The following PTPRT variants were observed in gnomAD, a reference collection of about 807,000 sequenced individuals.
PTPRT encodes receptor-type tyrosine-protein phosphatase T.
In PTPRT, 56 loss-of-function variants were observed where a neutral mutation model predicts 176.8. The ratio of observed to expected loss-of-function variants is 0.32; its 90% CI spans 0.26 to 0.40. The LOEUF (loss-of-function observed/expected upper bound fraction) is 0.40, where lower values mean the gene tolerates loss of function less well. Among genes scored for constraint, PTPRT ranks in the 10% least tolerant of loss-of-function variants. The pLI is 1.00. For synonymous variants in PTPRT, 783 were observed against 739.0 expected, an observed-to-expected ratio of 1.06 and a Z score of -0.96; for missense variants, 1,540 against 1,908.2, an observed-to-expected ratio of 0.81 and a Z score of 3.60.
intron 18 of PTPRT, among the ~76,000 whole-genome samples, chr20:42,140,262 G>A (rs1988562589): frequency 6.6e-6 from 1 of 151,714 alleles, no homozygotes; most frequent in Admixed American, 6.6e-5. Flanking sequence ...GGGTTACTCT[G>A]TGAGCTGAGA....
Position 42,076,148 on chromosome 20 carries a change from T to C in PTPRT, c.*4731A>G, listed in dbSNP as rs1982746379. The C allele has an allele frequency of 5.0e-6, 1 of 201,398 alleles. No individual in the cohort carries two copies. The allele number at this position is 201,398 out of a possible 1,614,324, so 12.5% of individuals were successfully genotyped here. On this transcript the variant is annotated 3_prime_UTR_variant, in exon 31 of 31. Coordinates refer to ENST00000373187, the MANE Select transcript of PTPRT (RefSeq NM_007050.6). Reference sequence around the variant, plus strand: ...CTCTGTCCACCACAACCCCATGCCTTACCCAGGAATTAATTGTGCCATAGT... The same window carrying C: ...CTCTGTCCACCACAACCCCATGCCTCACCCAGGAATTAATTGTGCCATAGT...
At chr20:42,582,978 A>C (rs1002636638) in intron 7 of PTPRT, among the ~76,000 whole-genome samples, 2 of 152,138 alleles carry the variant, frequency 1.3e-5, no homozygotes, top group African/African-American at 4.8e-5. Context: ...CCCATCGGCA[A>C]ACTCTTTACA....
At chr20:42,797,628 T>C (rs1290673282) in intron 2 of PTPRT, among the ~76,000 whole-genome samples, 1 of 147,862 alleles carries the variant, frequency 6.8e-6, no homozygotes, top group Non-Finnish European at 1.5e-5. Context: ...ATTTGAAACC[T>C]GTAATATGTT....
intron 1 of PTPRT, among the ~76,000 whole-genome samples, chr20:42,906,392 C>T (rs1192878696): frequency 6.6e-6 from 1 of 152,194 alleles, no homozygotes; most frequent in Non-Finnish European, 1.5e-5. Flanking sequence ...TCATGGCTCC[C>T]TCATCTGCTG....
intron 8 of PTPRT, 25 bp from the exon 9 acceptor site, chr20:42,448,354 T>C (rs757496662): frequency 6.5e-7 from 1 of 1,536,096 alleles, no homozygotes; most frequent in South Asian, 1.1e-5. Flanking sequence ...AGTTATGAAC[T>C]TGATGTCACC....
Position 42,488,387 on chromosome 20 carries a change from C to A in PTPRT, c.1154-15825G>T, listed in dbSNP as rs534717048. Among the ~76,000 whole-genome samples the A allele has an allele frequency of 3.9e-5, 6 of 152,344 alleles. No homozygotes were observed. The East Asian group carries it at 1.2e-3, about 29-fold the overall frequency. ...GTAAAGGTACCTGTGAACCCACATT[C>A]ATCCAACCTTTGGTATTATCCAATT... is the stretch of plus-strand genomic sequence containing the variant. On this transcript the variant is annotated intron_variant, in intron 7 of 30. Coordinates refer to ENST00000373187, the MANE Select transcript of PTPRT (RefSeq NM_007050.6).
chr20:43,176,993 G>A (rs1011565334), intron 1 of PTPRT, among the ~76,000 whole-genome samples: 5 of 152,116 alleles, frequency 3.3e-5, no homozygotes, highest in Non-Finnish European at 7.3e-5. Flanking sequence ...TGTAGTCACC[G>A]CACTCCCATA....
intron 11 of PTPRT, among the ~76,000 whole-genome samples, chr20:42,321,888 G>A (rs1277040904): frequency 6.6e-6 from 1 of 152,098 alleles, no homozygotes; most frequent in African/African-American, 2.4e-5. Context: ...TCGAGACCAC[G>A]GTGAAACCCC....
chr20:42,906,479 G>A (rs965817071), intron 1 of PTPRT, among the ~76,000 whole-genome samples: 1 of 152,140 alleles, frequency 6.6e-6, no homozygotes, highest in African/African-American at 2.4e-5. Flanking sequence ...AGTATATCAA[G>A]GCAAGAAACT....
At chr20:42,057,349 A>G in the PTPRT span, among the ~76,000 whole-genome samples, 18 of 152,088 alleles carry the variant, frequency 1.2e-4, no homozygotes, top group African/African-American at 4.3e-4. Flanking sequence ...GGGGCGGGGT[A>G]CAAATAGCTC....
intron 1 of PTPRT, among the ~76,000 whole-genome samples, chr20:43,090,619 A>G (rs932566212): frequency 2.0e-5 from 3 of 152,190 alleles, no homozygotes; most frequent in African/African-American, 7.2e-5. Flanking sequence ...ACAAATTTAC[A>G]GAAATTAAGA....
intron 19 of PTPRT, 55 bp downstream of exon 19, chr20:42,128,699 A>C: frequency 1.4e-6 from 2 of 1,456,302 alleles, no homozygotes; most frequent in South Asian, 1.4e-5. Flanking sequence ...GGTAAACCAC[A>C]GATCTTGAGC....
At chr20:42,607,003 A>T (rs1369579810) in intron 7 of PTPRT, 1 of 152,226 alleles carries the variant, frequency 6.6e-6, no homozygotes, top group Non-Finnish European at 1.5e-5. Flanking sequence ...ATAGAATAAA[A>T]TATTATTTAG....
chr20:42,142,608 C>A (rs531591678), intron 17 of PTPRT, among the ~76,000 whole-genome samples: 140 of 152,278 alleles, frequency 9.2e-4, no homozygotes, highest in African/African-American at 3.3e-3. Flanking sequence ...GGGGGGGCTC[C>A]TGAAACCATG....
chr20:42,098,266 A>T (rs1020669518), intron 27 of PTPRT, among the ~76,000 whole-genome samples, 155 bp downstream of exon 27: 1 of 152,180 alleles, frequency 6.6e-6, no homozygotes, highest in African/African-American at 2.4e-5. Flanking sequence ...TGTAGGTAGC[A>T]GAATGGCTTG....
chr20:42,991,476 T>C (rs1195272957), intron 1 of PTPRT, among the ~76,000 whole-genome samples: 1 of 151,108 alleles, frequency 6.6e-6, no homozygotes, highest in Non-Finnish European at 1.5e-5. Flanking sequence ...TGAAATACTG[T>C]ATGATTCCAC....
At position 42,221,531 on chromosome 20, in the gene PTPRT, C is replaced by CTTT. The variant is rs35552146; in HGVS notation, c.2342+14695_2342+14697dup. Among the ~76,000 whole-genome samples, 193 of 146,530 alleles carry CTTT rather than the reference C, an allele frequency of 1.3e-3. 3 individuals carry two copies. The highest frequency in any genetic ancestry group is 4.3e-3 in the African/African-American group (170 of 39,916). ...AGACAGCATGCAAGGGAAACTGCCA[C>CTTT]TTTTTTTTTTTTTGAGACAGAGTCT... On this transcript the variant is annotated intron_variant, in intron 15 of 30. Coordinates refer to ENST00000373187, the MANE Select transcript of PTPRT (RefSeq NM_007050.6).
chr20:43,029,430 G>A (rs1986045894), intron 1 of PTPRT, among the ~76,000 whole-genome samples: 1 of 152,160 alleles, frequency 6.6e-6, no homozygotes, highest in Admixed American at 6.5e-5. Context: ...CGCCACAAAT[G>A]GCAGCTTCCA....
chr20:42,612,975 TA>T (rs1473736705), intron 7 of PTPRT, among the ~76,000 whole-genome samples: 6 of 152,148 alleles, frequency 3.9e-5, no homozygotes, highest in African/African-American at 1.4e-4. Flanking sequence ...TATTTATGCA[TA>T]GGGGGAAAAA....
Sources: gnomAD v4.1 joint callset for allele counts (sites outside exome capture counted in the v4.1 genomes callset) on GRCh38, gnomAD v4.1.1 for gene constraint, MANE v1.5 for transcripts, NCBI Gene and HGNC (gene_info 2026-07-23, HGNC 2026-07-21) for gene names.